The following TENM1 variants were observed in gnomAD, a reference collection of about 807,000 sequenced individuals.
The protein encoded by TENM1 is teneurin transmembrane protein 1.
A neutral mutation model predicts 174.8 loss-of-function variants in TENM1; 35 were observed. The ratio of observed to expected loss-of-function variants is 0.20; its 90% CI spans 0.15 to 0.27. The LOEUF is 0.27. TENM1 is among the 10% of genes least tolerant of loss of function. The pLI is 1.00. For missense variants in TENM1, 1,633 were observed against 2,130.1 expected, an observed-to-expected ratio of 0.77 and a Z score of 4.59; for synonymous variants, 781 against 798.7, an observed-to-expected ratio of 0.98 and a Z score of 0.37.
At chrX:124,598,978 T>C (rs184840313) in intron 11 of TENM1, among the ~76,000 whole-genome samples, 4 of 111,716 alleles carry the variant, frequency 3.6e-5, no homozygotes, top group Admixed American at 9.5e-5. Context: ...ATGTGATTAT[T>C]ATACACTGCA....
exon 25 of TENM1, chrX:124,420,534 T>C: frequency 8.2e-7 from 1 of 1,212,220 alleles, no homozygotes; most frequent in Non-Finnish European, 1.1e-6. Context: ...TTGCTGCTGG[T>C]AATCGCGCCC....
At chrX:124,681,298 T>C (rs1173000495) in intron 5 of TENM1, among the ~76,000 whole-genome samples, 1 of 111,583 alleles carries the variant, frequency 9.0e-6, no homozygotes, top group Admixed American at 9.5e-5. Context: ...TATGAAACCT[T>C]CTCATCTGCC....
the TENM1 span, among the ~76,000 whole-genome samples, chrX:125,154,875 G>C: frequency 9.0e-6 from 1 of 111,001 alleles, no homozygotes; most frequent in Non-Finnish European, 1.9e-5. Flanking sequence ...CTGGCTTCAG[G>C]AGTGAAGCTG....
intron 18 of TENM1, among the ~76,000 whole-genome samples, chrX:124,509,074 A>AACAC (rs3028390): frequency 0.15 from 16,112 of 108,079 alleles, 992 homozygotes; most frequent in Middle Eastern, 0.22. Context: ...TAAAACAAAT[A>AACAC]ACACACACAC....
At chrX:124,961,767 G>A (rs1327218113) in intron 1 of TENM1, among the ~76,000 whole-genome samples, 4 of 112,058 alleles carry the variant, frequency 3.6e-5, no homozygotes, top group Non-Finnish European at 7.5e-5. Flanking sequence ...ATGCTTGTAA[G>A]CTAGGCCTTG....
chrX:124,687,632 A>G (rs2052400542), intron 5 of TENM1, among the ~76,000 whole-genome samples: 1 of 112,348 alleles, frequency 8.9e-6, no homozygotes, highest in African/African-American at 3.2e-5. Context: ...CTATCATCAG[A>G]GTGAACAGGC....
At chrX:124,813,226 C>A (rs1207342819) in intron 3 of TENM1, among the ~76,000 whole-genome samples, 1 of 110,773 alleles carries the variant, frequency 9.0e-6, no homozygotes, top group African/African-American at 3.3e-5. Flanking sequence ...AAAATAAATG[C>A]AAAATAAAAA....
chrX:124,416,752 T>A (rs747732297), intron 25 of TENM1, among the ~76,000 whole-genome samples: 2 of 111,829 alleles, frequency 1.8e-5, no homozygotes, highest in Admixed American at 9.5e-5. Flanking sequence ...TCTGAATTTG[T>A]CCCCCTAAAT....
intron 3 of TENM1, among the ~76,000 whole-genome samples, chrX:124,850,947 C>T (rs966060749): frequency 1.8e-5 from 2 of 111,455 alleles, no homozygotes; most frequent in East Asian, 5.6e-4. Context: ...TTAACTTAAA[C>T]TTCTGAATAA....
At chrX:124,717,389 CTCTT>C (rs2053211023) in intron 4 of TENM1, among the ~76,000 whole-genome samples, 1 of 111,884 alleles carries the variant, frequency 8.9e-6, no homozygotes, top group South Asian at 3.8e-4. Context: ...ATCGTATTCT[CTCTT>C]TCTCACTCAG....
intron 18 of TENM1, among the ~76,000 whole-genome samples, chrX:124,515,554 C>T (rs2047683730): frequency 9.0e-6 from 1 of 110,881 alleles, no homozygotes; most frequent in African/African-American, 3.3e-5. Context: ...CCACCAACAG[C>T]CAAGCTGAAA....
intron 15 of TENM1, among the ~76,000 whole-genome samples, chrX:124,532,577 C>T (rs1371793433): frequency 9.0e-6 from 1 of 111,511 alleles, no homozygotes; most frequent in Non-Finnish European, 1.9e-5. Context: ...TCATCAAAGT[C>T]ATCATTATTC....
At chrX:124,870,519 T>C (rs1403906983) in intron 3 of TENM1, among the ~76,000 whole-genome samples, 1 of 111,929 alleles carries the variant, frequency 8.9e-6, no homozygotes, top group Non-Finnish European at 1.9e-5. Context: ...AAAGTAGACC[T>C]CACTGAGAAG....
chrX:124,905,103 T>C (rs1427620279), intron 1 of TENM1, among the ~76,000 whole-genome samples: 1 of 110,280 alleles, frequency 9.1e-6, no homozygotes, highest in Non-Finnish European at 1.9e-5. Context: ...GGTGGGAGGA[T>C]TGCTTGAGCC....
chrX:124,783,538 G>C (rs181444749), intron 3 of TENM1, among the ~76,000 whole-genome samples: 189 of 110,953 alleles, frequency 1.7e-3, no homozygotes, highest in African/African-American at 5.7e-3. Flanking sequence ...GGTGAGAAGG[G>C]TATAGTTTAG....
chrX:125,072,593 GGTGTAAT>G, the TENM1 span, among the ~76,000 whole-genome samples: 1 of 111,345 alleles, frequency 9.0e-6, no homozygotes, highest in Non-Finnish European at 1.9e-5. Context: ...AGTTTTGAGG[GGTGTAAT>G]GAACAAGAAA....
rs1053246434 is a variant in TENM1, at chrX:124,392,690, G to A, written c.5392-342C>T. On this transcript the variant is annotated intron_variant, in intron 27 of 31. Transcript: ENST00000422452. ...AAGTCAGTTGCCTACTAAGGAGTGG[G>A]TATTCCTTCACCCTTTTCACCAGTG... Among the ~76,000 whole-genome samples the A allele has an allele frequency of 2.7e-5, 3 of 112,094 alleles. No individual in the cohort carries two copies. The East Asian group carries it at 8.4e-4, about 31-fold the overall frequency.
the TENM1 span, among the ~76,000 whole-genome samples, chrX:125,104,122 A>G: frequency 1.8e-5 from 2 of 112,562 alleles, no homozygotes; most frequent in South Asian, 3.7e-4. Context: ...GGAAAGAAAA[A>G]GTAGGCTTTG....
intron 11 of TENM1, among the ~76,000 whole-genome samples, chrX:124,635,977 G>A (rs1266555860): frequency 1.8e-5 from 2 of 111,993 alleles, no homozygotes; most frequent in African/African-American, 6.5e-5. Flanking sequence ...GGTTAAAGAA[G>A]CCTATATCAA....
Sources: gnomAD v4.1 joint callset for allele counts (sites outside exome capture counted in the v4.1 genomes callset) on GRCh38, gnomAD v4.1.1 for gene constraint, MANE v1.5 for transcripts, NCBI Gene and HGNC (gene_info 2026-07-23, HGNC 2026-07-21) for gene names.